ADCY2: variants seen among roughly 807,000 people sequenced by gnomAD.
ADCY2 encodes adenylate cyclase type 2.
In ADCY2, 31 loss-of-function variants were observed where a neutral mutation model predicts 125.2. The observed-to-expected ratio is 0.25, with a 90% CI of 0.19 to 0.33. The LOEUF (loss-of-function observed/expected upper bound fraction) is 0.33. ADCY2 is among the 10% of genes least tolerant of loss of function. The pLI, the probability that ADCY2 is intolerant of heterozygous loss-of-function variation, is 1.00. For missense variants in ADCY2, 904 were observed against 1,418.2 expected, an observed-to-expected ratio of 0.64 and a Z score of 5.82; for synonymous variants, 512 against 548.4, an observed-to-expected ratio of 0.93 and a Z score of 0.93.
intron 3 of ADCY2, among the ~76,000 whole-genome samples, chr5:7,535,519 G>A (rs1734785992): frequency 6.6e-6 from 1 of 152,214 alleles, no homozygotes. Context: ...CTCCAAGCAT[G>A]ACAGCTAAAT....
At chr5:7,798,221 T>G (rs915972209) in intron 20 of ADCY2, 3 of 145,222 alleles carry the variant, frequency 2.1e-5, no homozygotes, top group African/African-American at 7.6e-5. Flanking sequence ...AGGAGGGATG[T>G]GCATGGCCTC....
chr5:7,815,849 C>T (rs147720710), intron 22 of ADCY2, among the ~76,000 whole-genome samples: 104 of 152,236 alleles, frequency 6.8e-4, no homozygotes, highest in Admixed American at 1.4e-3. Flanking sequence ...GTACTGCAAA[C>T]GGGGGACTTA....
intron 1 of ADCY2, among the ~76,000 whole-genome samples, chr5:7,397,921 T>G (rs866468528): frequency 8.5e-5 from 13 of 152,176 alleles, no homozygotes; most frequent in African/African-American, 2.7e-4. Flanking sequence ...CAGCCTTCTA[T>G]GCTCTCTGGA....
intron 2 of ADCY2, among the ~76,000 whole-genome samples, chr5:7,448,408 G>C (rs1741355459): frequency 6.6e-6 from 1 of 152,088 alleles, no homozygotes. Context: ...AGATGGCTCT[G>C]ACTTATTTTA....
intron 15 of ADCY2, 56 bp downstream of exon 15, chr5:7,743,808 A>G: frequency 1.3e-6 from 2 of 1,554,216 alleles, no homozygotes; most frequent in Non-Finnish European, 1.8e-6. Context: ...ATGAAAGCTG[A>G]TTTCTTGCCT....
intron 3 of ADCY2, among the ~76,000 whole-genome samples, chr5:7,581,663 C>A (rs1218402468): frequency 6.7e-6 from 1 of 149,990 alleles, no homozygotes. Context: ...ACTAAAAATA[C>A]AAAAAAAAAT....
At chr5:7,544,497 A>G (rs79460542) in intron 3 of ADCY2, among the ~76,000 whole-genome samples, 1,811 of 152,170 alleles carry the variant, frequency 0.012, 35 homozygotes, top group South Asian at 0.093. Context: ...TCCTGCCTCC[A>G]TCTTACGAGA....
At chr5:7,472,475 G>A (rs772676437) in intron 2 of ADCY2, among the ~76,000 whole-genome samples, 1 of 151,574 alleles carries the variant, frequency 6.6e-6, no homozygotes, top group Non-Finnish European at 1.5e-5. Context: ...TTCCCTTTCT[G>A]ATATACATAT....
At chr5:7,676,101 A>T (rs1214908955) in intron 4 of ADCY2, among the ~76,000 whole-genome samples, 2 of 152,204 alleles carry the variant, frequency 1.3e-5, no homozygotes, top group Non-Finnish European at 2.9e-5. Context: ...AGTATTGGGT[A>T]AATGATGAGT....
At chr5:7,544,882 C>A (rs1277776315) in intron 3 of ADCY2, among the ~76,000 whole-genome samples, 1 of 152,192 alleles carries the variant, frequency 6.6e-6, no homozygotes, top group Non-Finnish European at 1.5e-5. Flanking sequence ...GCTGTCCCCA[C>A]CCGACTGACT....
chr5:7,426,921 G>C (rs1422113625), intron 2 of ADCY2, among the ~76,000 whole-genome samples: 2 of 152,146 alleles, frequency 1.3e-5, no homozygotes, highest in African/African-American at 4.8e-5. Flanking sequence ...GGTGAACAGA[G>C]CTAGGATGCT....
chr5:7,400,082 TAAG>T (rs1739207448), intron 1 of ADCY2, among the ~76,000 whole-genome samples: 1 of 151,082 alleles, frequency 6.6e-6, no homozygotes, highest in African/African-American at 2.4e-5. Flanking sequence ...CTGTCAGTGT[TAAG>T]AAAGGTTGAC....
At chr5:7,465,870 A>C (rs1009498456) in intron 2 of ADCY2, among the ~76,000 whole-genome samples, 1 of 152,166 alleles carries the variant, frequency 6.6e-6, no homozygotes, top group Non-Finnish European at 1.5e-5. Flanking sequence ...TTACATTTGC[A>C]TGTTTTTTAA....
chr5:7,545,641 C>T lies in ADCY2; in HGVS notation c.570+24742C>T, dbSNP rs769780877. Among the ~76,000 whole-genome samples, 6 of 152,224 alleles carry T rather than the reference C, an allele frequency of 3.9e-5. No individual in the cohort carries two copies. In the South Asian group the frequency reaches 1.0e-3, roughly 26 times the overall value. On this transcript the variant is annotated intron_variant, in intron 3 of 24. Coordinates refer to ENST00000338316, the MANE Select transcript of ADCY2 (RefSeq NM_020546.3). ...ACAGTGTTTATTTTTAAAGTGTCGA[C>T]GATTTTGTGCTTGGAGAAGCTGGCC...
intron 3 of ADCY2, among the ~76,000 whole-genome samples, chr5:7,523,262 A>T (rs1269662137): frequency 1.3e-5 from 2 of 149,440 alleles, no homozygotes; most frequent in Non-Finnish European, 3.0e-5. Flanking sequence ...TGAATACTGT[A>T]TTCTTTATTG....
chr5:7,669,676 ATC>A (rs1267604555), intron 4 of ADCY2, among the ~76,000 whole-genome samples: 11 of 152,118 alleles, frequency 7.2e-5, no homozygotes. Context: ...CTCCAGTTAC[ATC>A]TCTCTCTATT....
intron 24 of ADCY2, among the ~76,000 whole-genome samples, chr5:7,822,712 G>A (rs191889164): frequency 2.7e-4 from 37 of 135,294 alleles, no homozygotes; most frequent in Admixed American, 1.4e-3. Flanking sequence ...GTGTGTGCAT[G>A]TGTGTGTACA....
rs397818657 is a variant in ADCY2, at chr5:7,528,422, G to GAAT, written c.570+7523_570+7524insAAT. Among the ~76,000 whole-genome samples the GAAT allele has an allele frequency of 1.6e-4, 24 of 151,970 alleles. 1 individual carries two copies. On this transcript the variant is annotated intron_variant, in intron 3 of 24. Coordinates refer to ENST00000338316, the MANE Select transcript of ADCY2 (RefSeq NM_020546.3). ...TGGTAACTAACAATTTGACTGTAAT[G>GAAT]GTAGAATGAGACCTAGGTTCATTTT... is the stretch of plus-strand genomic sequence containing the variant.
intron 2 of ADCY2, among the ~76,000 whole-genome samples, chr5:7,483,416 TA>T (rs567638671): frequency 0.052 from 7,490 of 145,416 alleles, 583 homozygotes; most frequent in African/African-American, 0.17. Context: ...CTGCAGTACA[TA>T]AAAAAAAAAA....
Sources: allele counts gnomAD v4.1 joint callset (sites outside exome capture counted in the v4.1 genomes callset), GRCh38; gene constraint gnomAD v4.1.1; transcripts MANE v1.5; gene names NCBI Gene and HGNC (gene_info 2026-07-23, HGNC 2026-07-21).